The following PDGFRA variants were observed in gnomAD, a reference collection of about 807,000 sequenced individuals.
PDGFRA encodes platelet derived growth factor receptor alpha, also known as platelet-derived growth factor receptor alpha.
PDGFRA carries 25 observed loss-of-function variants against 121.5 expected under a neutral mutation model. The observed-to-expected ratio is 0.21, with a 90% CI of 0.15 to 0.29. The LOEUF is 0.29. Ranked by LOEUF, PDGFRA falls within the 10% of genes least tolerant of loss-of-function variation. The pLI, the probability that PDGFRA is intolerant of heterozygous loss-of-function variation, is 1.00. For missense variants in PDGFRA, 1,008 were observed against 1,345.1 expected (o/e 0.75, Z 3.92); for synonymous variants, 463 against 494.8 (o/e 0.94, Z 0.85).
chr4:54,249,241 C>T (rs924519919), intron 1 of PDGFRA, among the ~76,000 whole-genome samples: 1 of 152,160 alleles, frequency 6.6e-6, no homozygotes, highest in South Asian at 2.1e-4. Context: ...CCTCAGGGAT[C>T]TAGAACTAGA....
rs1722696914 is a variant in PDGFRA at position 54,261,304 on chromosome 4, G to A, written c.259G>A (p.Val87Met). The A allele has an allele frequency of 6.2e-7, 1 of 1,614,108 alleles. No homozygotes were observed. The highest frequency in any genetic ancestry group is 2.2e-5 in the East Asian group (1 of 44,860). The stretch of plus-strand genomic sequence containing the variant: ...CGGCCTTTTTGTGACGGTCTTGGAA[G>A]TGAGCAGTGCCTCGGCGGCCCACAC... Reference protein sequence around the residue: ...NSGLFVTVLEVSSASAAHTGL... With the variant: ...NSGLFVTVLEMSSASAAHTGL... Residue 87 changes from valine to methionine, a missense_variant, in exon 3 of 23, where the codon GTG becomes ATG. Val to Met is a conservative substitution (Grantham distance 21). Around this residue, in one of 5 missense-constraint regions of PDGFRA, gnomAD observed 575 missense variants for 701.8 expected, o/e 0.82. Transcript: ENST00000257290.
At chr4:54,288,550 C>G (rs750302313) in intron 19 of PDGFRA, among the ~76,000 whole-genome samples, 6 of 152,088 alleles carry the variant, frequency 3.9e-5, no homozygotes, top group Admixed American at 1.3e-4. Flanking sequence ...AACACTTGAA[C>G]GCTTATTTCT....
intron 1 of PDGFRA, among the ~76,000 whole-genome samples, chr4:54,254,381 G>T (rs550504542): frequency 6.6e-6 from 1 of 152,278 alleles, no homozygotes; most frequent in South Asian, 2.1e-4. Context: ...CTCAGTATTT[G>T]CCTCCTGATG....
Position 54,296,357 on chromosome 4 carries a change from A to T in PDGFRA, c.*1085A>T. 5.2e-6 allele frequency: 1 copy of T among 192,126 alleles called. No individual in the cohort carries two copies. The highest frequency in any genetic ancestry group is 9.5e-6 in the Non-Finnish European group (1 of 105,404). The allele number at this position is 192,126 out of a possible 1,614,324, so 11.9% of individuals were successfully genotyped here. A position where few individuals can be genotyped will look rare whatever the true frequency, so the allele number is the denominator to read the frequency against. The stretch of plus-strand genomic sequence containing the variant: ...ATATAATGATCAGCAAAAAGACTGG[A>T]TTTGCAGAAGTTTTTTTTTTTTTTT... On this transcript the variant is annotated 3_prime_UTR_variant, in exon 23 of 23. Transcript: ENST00000257290.
intron 1 of PDGFRA, among the ~76,000 whole-genome samples, chr4:54,233,063 CCT>C (rs569577022): frequency 2.0e-5 from 3 of 152,268 alleles, no homozygotes; most frequent in Non-Finnish European, 4.4e-5. Flanking sequence ...CGCTCTCCCC[CCT>C]CTCTCCACAC....
chr4:54,276,857 G>C (rs57340082), intron 12 of PDGFRA: 2,379 of 166,848 alleles, frequency 0.014, 43 homozygotes, highest in African/African-American at 0.052. Flanking sequence ...CTGTGCTCTC[G>C]GGCATGTTTA....
intron 1 of PDGFRA, chr4:54,239,953 T>C: frequency 4.1e-6 from 1 of 243,848 alleles, no homozygotes; most frequent in Non-Finnish European, 9.0e-6. Flanking sequence ...CTGGCTCAAG[T>C]GATCCTTCCA....
Position 54,290,379 on chromosome 4 carries a change from G to T in PDGFRA, c.2947G>T (p.Asp983Tyr), listed in dbSNP as rs1553906632. The T allele has an allele frequency of 1.2e-6, 2 of 1,613,220 alleles. No individual in the cohort carries two copies. Among genetic ancestry groups the T allele is most frequent in the Non-Finnish European group, 1.7e-6 (2 of 1,179,110 alleles). ...DHPAVARMRV[D>Y]SDNAYIGVTY... is the part of the protein sequence containing the mutation. ...TCCTGCTGTGGCACGCATGCGTGTG[G>T]ACTCAGACAATGCATACATTGGTGT... The change falls in exon 22 of 23, where the codon GAC becomes TAC. Residue 983 changes from aspartate to tyrosine, a missense_variant. Asp to Tyr is a radical substitution (Grantham distance 160). Around this residue, in one of 5 missense-constraint regions of PDGFRA, gnomAD observed 204 missense variants for 243.0 expected, o/e 0.84. Transcript: ENST00000257290.
Position 54,280,768 on chromosome 4 carries a change from AT to A in PDGFRA, c.2323+287del, listed in dbSNP as rs532763191. 2,788 of 210,316 alleles carry A rather than the reference AT, an allele frequency of 0.013. 35 individuals are homozygous for A. The highest frequency in any genetic ancestry group is 0.019 in the Non-Finnish European group (1,983 of 103,308). The allele number at this position is 210,316 out of a possible 1,614,324, so 13.0% of individuals were successfully genotyped here. On this transcript the variant is annotated intron_variant, in intron 16 of 22. Transcript: ENST00000257290. ...CTGCAGTAAACATTTTTTAAAAAAA[AT>A]AATTATTTATTCTGATATAATGAAC...
At chr4:54,280,219 C>T in intron 15 of PDGFRA, 97 bp from the exon 16 acceptor site, 1 of 339,094 alleles carries the variant, frequency 2.9e-6, no homozygotes, top group Non-Finnish European at 5.0e-6. Context: ...GCTCCCATGC[C>T]TACCTCAGTA....
chr4:54,240,727 A>G (rs1300359440), intron 1 of PDGFRA, among the ~76,000 whole-genome samples: 1 of 152,234 alleles, frequency 6.6e-6, no homozygotes, highest in Non-Finnish European at 1.5e-5. Flanking sequence ...TGAGTCCCAG[A>G]GAACTCGTCA....
intron 1 of PDGFRA, among the ~76,000 whole-genome samples, chr4:54,241,386 A>C (rs1721286772): frequency 6.6e-6 from 1 of 152,190 alleles, no homozygotes; most frequent in South Asian, 2.1e-4. Context: ...CTGATTGTTT[A>C]GAAAAGAAGG....
intron 1 of PDGFRA, among the ~76,000 whole-genome samples, chr4:54,239,291 A>G (rs1266934910): frequency 6.6e-6 from 1 of 152,234 alleles, no homozygotes; most frequent in Non-Finnish European, 1.5e-5. Flanking sequence ...ATAATCAAGA[A>G]ATAACTATAG....
In PDGFRA at chr4:54,267,544, C is replaced by A. The variant is rs374863127; in HGVS notation, c.932-8C>A. On this transcript the variant is annotated splice_region_variant and splice_polypyrimidine_tract_variant and intron_variant, in intron 6 of 22. Coordinates refer to ENST00000257290, the MANE Select transcript of PDGFRA (RefSeq NM_006206.6). ...ATCATTATTTAATGGAAACTCTTCC[C>A]TGTACAGAGAAAGGTTTCATTGAAA... is the stretch of plus-strand genomic sequence containing the variant. 6.2e-7 allele frequency: 1 copy of A among 1,614,122 alleles called. No individual in the cohort carries two copies. The highest frequency in any genetic ancestry group is 8.5e-7 in the Non-Finnish European group (1 of 1,179,982).
intron 1 of PDGFRA, among the ~76,000 whole-genome samples, chr4:54,256,527 C>T (rs1010761383): frequency 2.6e-5 from 4 of 151,436 alleles, no homozygotes; most frequent in East Asian, 2.0e-4. Flanking sequence ...CATGAACCAC[C>T]GTGCCCAGCC....
intron 1 of PDGFRA, among the ~76,000 whole-genome samples, chr4:54,250,028 C>T (rs1473790172): frequency 6.6e-6 from 1 of 152,052 alleles, no homozygotes; most frequent in Middle Eastern, 3.2e-3. Flanking sequence ...GACATTAATA[C>T]TACACTAATG....
intron 1 of PDGFRA, among the ~76,000 whole-genome samples, chr4:54,234,827 C>T (rs1368820548): frequency 6.6e-6 from 1 of 152,070 alleles, no homozygotes; most frequent in African/African-American, 2.4e-5. Context: ...GGAGTCACAC[C>T]CGTTTGGTGA....
At chr4:54,260,879 C>T (rs1293820133) in intron 2 of PDGFRA, among the ~76,000 whole-genome samples, 1 of 152,106 alleles carries the variant, frequency 6.6e-6, no homozygotes, top group Admixed American at 6.6e-5. Context: ...AGGGGTGAAT[C>T]TAGTGGGGCT....
intron 18 of PDGFRA, among the ~76,000 whole-genome samples, chr4:54,286,364 CTTTT>C (rs1343124737): frequency 7.9e-6 from 1 of 126,214 alleles, no homozygotes; most frequent in African/African-American, 2.8e-5. Context: ...TATTTATTTT[CTTTT>C]TTTTTGAGAC....
Sources: gnomAD v4.1 joint callset for allele counts (sites outside exome capture counted in the v4.1 genomes callset) on GRCh38, gnomAD v4.1.1 for gene constraint, gnomAD v4.1.1 regional missense constraint, MANE v1.5 for transcripts, NCBI Gene and HGNC (gene_info 2026-07-23, HGNC 2026-07-21) for gene names.